PTPRE: variants seen among roughly 807,000 people sequenced by gnomAD.
The protein encoded by PTPRE is protein tyrosine phosphatase receptor type E.
Under a neutral mutation model 102.0 loss-of-function variants are expected in PTPRE, and 51 were observed. That is an observed-to-expected ratio of 0.50 (90% CI 0.40 to 0.63). The LOEUF (loss-of-function observed/expected upper bound fraction) is 0.63, where lower values mean the gene tolerates loss of function less well. Among genes scored for constraint, PTPRE ranks in the 30% least tolerant of loss-of-function variants. PTPRE has a pLI of 0.00. For synonymous variants in PTPRE, 345 were observed against 348.2 expected (o/e 0.99, Z 0.10); for missense variants, 752 against 915.1 (o/e 0.82, Z 2.30).
chr10:128,069,845 C>T lies in PTPRE; in HGVS notation c.1143+18C>T, dbSNP rs1850611906. The T allele has an allele frequency of 9.9e-6, 16 of 1,614,240 alleles. No homozygotes were observed. Among genetic ancestry groups the T allele is most frequent in the South Asian group, 2.2e-5 (2 of 91,086 alleles). On this transcript the variant is annotated intron_variant, in intron 13 of 20. Transcript: ENST00000254667. ...AAACGGATGTGAGTCATGCCTTCCT[C>T]TTGCCCTGATCTAGCTTCCCAAAGC...
chr10:127,981,754 T>G (rs1439906973), intron 1 of PTPRE, among the ~76,000 whole-genome samples: 1 of 151,940 alleles, frequency 6.6e-6, no homozygotes, highest in Non-Finnish European at 1.5e-5. Context: ...GAGGCGAAGT[T>G]TGCAGTGAGC....
intron 1 of PTPRE, among the ~76,000 whole-genome samples, chr10:127,911,584 C>T (rs190971630): frequency 1.3e-5 from 2 of 152,222 alleles, no homozygotes; most frequent in African/African-American, 2.4e-5. Flanking sequence ...AGGGGCTGTC[C>T]TGGGCCATCT....
intron 16 of PTPRE, 193 bp downstream of exon 16, chr10:128,072,407 C>T (rs762425922): frequency 3.9e-6 from 2 of 509,610 alleles, no homozygotes; most frequent in South Asian, 2.9e-5. Context: ...AATCCCAACA[C>T]TTTGGGAAGC....
intron 2 of PTPRE, among the ~76,000 whole-genome samples, chr10:127,990,774 G>A (rs1297244935): frequency 6.6e-6 from 1 of 152,118 alleles, no homozygotes; most frequent in Non-Finnish European, 1.5e-5. Context: ...TCGCTCATTT[G>A]TTTTTGCTCT....
rs575117816 is a variant in PTPRE, at chr10:128,036,369, G to A, written c.-7-4506G>A. ...CAACTCCTACAGACAGTCTCCCCAG[G>A]AATGTTCCACTGTCCTCTCTAATGC... On this transcript the variant is annotated intron_variant, in intron 2 of 20. Transcript: ENST00000254667. Among the ~76,000 whole-genome samples, 19 of 152,190 alleles carry A rather than the reference G, an allele frequency of 1.2e-4. No individual in the cohort carries two copies. In the South Asian group the frequency reaches 2.5e-3, roughly 20 times the overall value.
chr10:127,929,349 T>G (rs1005805031), intron 1 of PTPRE: 10 of 152,224 alleles, frequency 6.6e-5, no homozygotes, highest in Non-Finnish European at 1.3e-4. Context: ...AATAAAGTAT[T>G]TTAAGCAAAT....
intron 1 of PTPRE, among the ~76,000 whole-genome samples, chr10:127,937,631 G>A (rs1008080378): frequency 6.6e-6 from 1 of 151,922 alleles, no homozygotes; most frequent in Non-Finnish European, 1.5e-5. Context: ...GGTCAAGGCA[G>A]GCAGATCACT....
intron 9 of PTPRE, among the ~76,000 whole-genome samples, chr10:128,061,940 C>T (rs1263089678): frequency 2.0e-5 from 3 of 152,198 alleles, no homozygotes; most frequent in South Asian, 2.1e-4. Context: ...GCAATGGCCC[C>T]GGCTGCCATT....
chr10:128,081,630 AAG>A (rs1202580834), intron 20 of PTPRE, among the ~76,000 whole-genome samples: 11 of 152,256 alleles, frequency 7.2e-5, no homozygotes, highest in Admixed American at 7.2e-4. Context: ...TGCCTCTTTA[AAG>A]AGAGCCTGTA....
intron 2 of PTPRE, among the ~76,000 whole-genome samples, chr10:127,986,940 A>G (rs948889725): frequency 2.0e-5 from 3 of 152,070 alleles, no homozygotes; most frequent in Non-Finnish European, 4.4e-5. Context: ...TTCTTCTTAT[A>G]CTGGGGTTTT....
chr10:128,027,647 G>A (rs888367950), intron 2 of PTPRE, among the ~76,000 whole-genome samples: 1 of 152,212 alleles, frequency 6.6e-6, no homozygotes, highest in Non-Finnish European at 1.5e-5. Context: ...GGGCTATGGA[G>A]CCTTTGGAAA....
intron 1 of PTPRE, among the ~76,000 whole-genome samples, chr10:127,912,293 C>A (rs1327554043): frequency 6.6e-6 from 1 of 152,180 alleles, no homozygotes; most frequent in African/African-American, 2.4e-5. Context: ...AAATTCTTAA[C>A]AATATATTTC....
chr10:127,974,704 A>G (rs1322445802), intron 1 of PTPRE, among the ~76,000 whole-genome samples: 1 of 152,204 alleles, frequency 6.6e-6, no homozygotes, highest in Non-Finnish European at 1.5e-5. Flanking sequence ...TAGCATATTG[A>G]TGTACTCATT....
intron 1 of PTPRE, among the ~76,000 whole-genome samples, chr10:127,925,735 T>C (rs562218510): frequency 6.6e-6 from 1 of 152,092 alleles, no homozygotes; most frequent in Non-Finnish European, 1.5e-5. Context: ...TTGGGTAGGA[T>C]TGATGGTTGG....
chr10:128,006,781 A>G (rs1262143607), intron 2 of PTPRE, among the ~76,000 whole-genome samples: 1 of 152,200 alleles, frequency 6.6e-6, no homozygotes, highest in African/African-American at 2.4e-5. Flanking sequence ...AGATGGTGTC[A>G]AGTCCCACAA....
chr10:127,978,068 G>C (rs1247912169), intron 1 of PTPRE, among the ~76,000 whole-genome samples: 2 of 152,194 alleles, frequency 1.3e-5, no homozygotes. Context: ...TTCTGGAGGA[G>C]AGAACATAAT....
intron 1 of PTPRE, among the ~76,000 whole-genome samples, chr10:127,909,940 T>C (rs1339275080): frequency 6.6e-6 from 1 of 152,186 alleles, no homozygotes; most frequent in African/African-American, 2.4e-5. Flanking sequence ...CCTGCTAAAA[T>C]GACTGCTGGC....
chr10:127,996,560 T>C (rs1202400124), intron 2 of PTPRE, among the ~76,000 whole-genome samples: 1 of 152,210 alleles, frequency 6.6e-6, no homozygotes, highest in East Asian at 1.9e-4. Context: ...TTTATGACTG[T>C]GGCACCTCAC....
At chr10:128,057,159 A>G (rs890523524) in intron 7 of PTPRE, among the ~76,000 whole-genome samples, 1 of 151,796 alleles carries the variant, frequency 6.6e-6, no homozygotes, top group Non-Finnish European at 1.5e-5. Flanking sequence ...AGAGGTTGCC[A>G]TGAGCCGAGA....
Sources: gnomAD v4.1 joint callset for allele counts (sites outside exome capture counted in the v4.1 genomes callset) on GRCh38, gnomAD v4.1.1 for gene constraint, MANE v1.5 for transcripts, NCBI Gene and HGNC (gene_info 2026-07-23, HGNC 2026-07-21) for gene names.